Variants in CADPS2 observed in about 807,000 individuals in gnomAD.
The protein encoded by CADPS2 is calcium dependent secretion activator 2.
A neutral mutation model predicts 172.5 loss-of-function variants in CADPS2; 93 were observed. The observed-to-expected ratio is 0.54, with a 90% confidence interval of 0.46 to 0.64. The LOEUF (loss-of-function observed/expected upper bound fraction) is 0.64. Ranked by LOEUF, CADPS2 falls within the 30% of genes least tolerant of loss-of-function variation. The pLI is 0.00. For synonymous variants in CADPS2, 546 were observed against 555.2 expected (o/e 0.98, Z 0.23); for missense variants, 1,420 against 1,565.9 (o/e 0.91, Z 1.57).
At chr7:122,387,961 G>A (rs2043891688) in intron 23 of CADPS2, among the ~76,000 whole-genome samples, 1 of 151,928 alleles carries the variant, frequency 6.6e-6, no homozygotes, top group Admixed American at 6.6e-5. Flanking sequence ...TATTGTCCTT[G>A]TATATATAAT....
chr7:122,679,548 T>C (rs2082793333), intron 2 of CADPS2, among the ~76,000 whole-genome samples: 1 of 152,152 alleles, frequency 6.6e-6, no homozygotes, highest in African/African-American at 2.4e-5. Context: ...ACCCTGACCT[T>C]CTGCCTTGTG....
intron 27 of CADPS2, among the ~76,000 whole-genome samples, chr7:122,347,918 G>A (rs2037937199): frequency 6.6e-6 from 1 of 152,176 alleles, no homozygotes. Flanking sequence ...ACCTGCTGCT[G>A]CAGAACGAAA....
chr7:122,850,903 T>C (rs1350706544), intron 1 of CADPS2, among the ~76,000 whole-genome samples: 1 of 152,210 alleles, frequency 6.6e-6, no homozygotes, highest in East Asian at 1.9e-4. Flanking sequence ...TTAGTAGATG[T>C]TCTCTGTTCA....
intron 2 of CADPS2, among the ~76,000 whole-genome samples, chr7:122,691,009 G>A (rs2084280928): frequency 6.6e-6 from 1 of 152,208 alleles, no homozygotes; most frequent in African/African-American, 2.4e-5. Flanking sequence ...GCCTTATCTT[G>A]CATTAGGACT....
chr7:122,408,797 T>C (rs1244688007), intron 19 of CADPS2, among the ~76,000 whole-genome samples: 1 of 152,192 alleles, frequency 6.6e-6, no homozygotes, highest in Non-Finnish European at 1.5e-5. Context: ...TTTGACACAC[T>C]ATTTTCTTAA....
chr7:122,503,810 G>A (rs759673494), intron 9 of CADPS2, among the ~76,000 whole-genome samples: 1 of 152,058 alleles, frequency 6.6e-6, no homozygotes, highest in Non-Finnish European at 1.5e-5. Flanking sequence ...CAGTGCCTCA[G>A]AATTGGGAAA....
chr7:122,350,037 T>A (rs1275667184), intron 27 of CADPS2, among the ~76,000 whole-genome samples: 6 of 152,180 alleles, frequency 3.9e-5, no homozygotes. Context: ...GAAGCTACAG[T>A]GTAATTGACT....
chr7:122,507,499 G>A (rs1415684283), intron 9 of CADPS2, among the ~76,000 whole-genome samples: 2 of 152,116 alleles, frequency 1.3e-5, no homozygotes, highest in Non-Finnish European at 2.9e-5. Flanking sequence ...TTAATCTGAG[G>A]AAAGAGCTGC....
intron 28 of CADPS2, among the ~76,000 whole-genome samples, chr7:122,343,722 G>A (rs1373891136): frequency 6.6e-6 from 1 of 152,116 alleles, no homozygotes; most frequent in African/African-American, 2.4e-5. Context: ...GCTATTCTAA[G>A]AAGAAACATA....
chr7:122,697,792 G>C, intron 2 of CADPS2: 1 of 1,572,876 alleles, frequency 6.4e-7, no homozygotes. Flanking sequence ...ATGCCATCAA[G>C]GTGAAGGATG....
intron 7 of CADPS2, among the ~76,000 whole-genome samples, chr7:122,563,292 T>C (rs1044400743): frequency 2.0e-5 from 3 of 152,126 alleles, no homozygotes; most frequent in East Asian, 3.9e-4. Flanking sequence ...ATCAAAACAG[T>C]TTCTATTAGA....
chr7:122,377,952 G>A (rs1216536809), intron 25 of CADPS2, among the ~76,000 whole-genome samples: 1 of 152,066 alleles, frequency 6.6e-6, no homozygotes, highest in East Asian at 1.9e-4. Flanking sequence ...AAGATGAAAT[G>A]AAAAATGAAC....
At chr7:122,566,984 T>TGCCA (rs2066557891) in intron 7 of CADPS2, among the ~76,000 whole-genome samples, 1 of 152,170 alleles carries the variant, frequency 6.6e-6, no homozygotes, top group African/African-American at 2.4e-5. Flanking sequence ...ATACAGTAGA[T>TGCCA]GCCACTATGA....
At chr7:122,695,107 C>T (rs1162435794) in intron 2 of CADPS2, among the ~76,000 whole-genome samples, 1 of 152,170 alleles carries the variant, frequency 6.6e-6, no homozygotes, top group Non-Finnish European at 1.5e-5. Flanking sequence ...TATAATAATT[C>T]TATAGCAAGA....
chr7:122,460,806 C>T (rs144632664), intron 14 of CADPS2, among the ~76,000 whole-genome samples: 16 of 152,142 alleles, frequency 1.1e-4, no homozygotes, highest in African/African-American at 3.1e-4. Context: ...AACAGAATAA[C>T]AGAATTTCCA....
At position 122,763,337 on chromosome 7, in the gene CADPS2, A is replaced by G. The variant is rs574353878; in HGVS notation, c.340-26269T>C. On this transcript the variant is annotated intron_variant, in intron 1 of 29. Transcript: ENST00000449022. ...AGAAAGAAAGAAAAGCAAAGGGGATAGTGTGATGAGAGTGCTGAATCCTAC... is the reference window on the plus strand; with the variant it reads ...AGAAAGAAAGAAAAGCAAAGGGGATGGTGTGATGAGAGTGCTGAATCCTAC... Among the ~76,000 whole-genome samples, 39 of 152,326 alleles carry G rather than the reference A, an allele frequency of 2.6e-4. No individual in the cohort carries two copies. In the South Asian group the frequency reaches 6.2e-3, roughly 24 times the overall value.
chr7:122,360,653 T>A, intron 27 of CADPS2, 135 bp downstream of exon 27: 1 of 738,368 alleles, frequency 1.4e-6, no homozygotes, highest in Non-Finnish European at 2.2e-6. Context: ...TGAAGGTTAG[T>A]GCTTGCTTAA....
intron 19 of CADPS2, among the ~76,000 whole-genome samples, chr7:122,409,362 TGTTA>T (rs1481406210): frequency 6.6e-6 from 1 of 152,156 alleles, no homozygotes; most frequent in East Asian, 1.9e-4. Context: ...ATAACAGTCA[TGTTA>T]GTTCAGGTTG....
intron 11 of CADPS2, among the ~76,000 whole-genome samples, chr7:122,482,037 C>T (rs1446911673): frequency 6.6e-6 from 1 of 152,086 alleles, no homozygotes; most frequent in African/African-American, 2.4e-5. Context: ...TAAAAAAATT[C>T]TGTATTATTC....
Sources: gnomAD v4.1 joint callset for allele counts (sites outside exome capture counted in the v4.1 genomes callset) on GRCh38, gnomAD v4.1.1 for gene constraint, MANE v1.5 for transcripts, NCBI Gene and HGNC (gene_info 2026-07-23, HGNC 2026-07-21) for gene names.